Variants in MTG2 observed in about 807,000 individuals in gnomAD.
MTG2 encodes the protein mitochondrial ribosome-associated GTPase 2.
Under a neutral mutation model 28.6 loss-of-function variants are expected in MTG2, and 23 were observed. That is an observed-to-expected ratio of 0.80 (90% CI 0.58 to 1.14). The LOEUF is 1.14. Ranked by LOEUF, MTG2 falls within the 50% of genes most tolerant of loss-of-function variation. The pLI is 0.00. For synonymous variants in MTG2, 260 were observed against 251.8 expected (o/e 1.03, Z -0.31); for missense variants, 539 against 552.0 (o/e 0.98, Z 0.24).
At chr20:62,183,829 A>C (rs1302247272) in intron 1 of MTG2, among the ~76,000 whole-genome samples, 2 of 152,250 alleles carry the variant, frequency 1.3e-5, no homozygotes, top group African/African-American at 4.8e-5. Context: ...CTGTTTTAGC[A>C]GAGAGAACGT....
chr20:62,186,380 T>C (rs960701193), intron 1 of MTG2, among the ~76,000 whole-genome samples: 17 of 152,236 alleles, frequency 1.1e-4, no homozygotes, highest in African/African-American at 4.1e-4. Flanking sequence ...AGGTACTTTT[T>C]GTATTTGGCA....
intron 1 of MTG2, among the ~76,000 whole-genome samples, chr20:62,184,622 G>A (rs1266483795): frequency 6.6e-6 from 1 of 152,116 alleles, no homozygotes; most frequent in Non-Finnish European, 1.5e-5. Context: ...GGAGGTCCAT[G>A]TCCCGGCCTC....
Position 62,193,604 on chromosome 20 carries a change from C to G in MTG2, c.184C>G (p.Leu62Val). The G allele has an allele frequency of 6.2e-7, 1 of 1,612,376 alleles. No homozygotes were observed. Reference protein sequence around the residue: ...AKHQELPGKKLLSEKKLKRYF... With the variant: ...AKHQELPGKKVLSEKKLKRYF... ...GCATCAGGAACTCCCGGGGAAGAAG[C>G]TGCTCTCTGAGAAAAAGCTGGTGAG... is the stretch of plus-strand genomic sequence containing the variant. Residue 62 changes from leucine to valine, a missense_variant, in exon 2 of 7, where the codon CTG becomes GTG. Physicochemically the swap from Leu to Val is conservative, Grantham distance 32. Transcript: ENST00000370823.
intron 3 of MTG2, among the ~76,000 whole-genome samples, chr20:62,196,539 GCACA>G (rs1001662768): frequency 6.6e-6 from 1 of 150,672 alleles, no homozygotes; most frequent in Non-Finnish European, 1.5e-5. Context: ...AGATGTGGTG[GCACA>G]CACTGATAGT....
chr20:62,189,143 CA>C (rs559176986), intron 1 of MTG2, among the ~76,000 whole-genome samples: 2 of 151,440 alleles, frequency 1.3e-5, no homozygotes, highest in East Asian at 1.9e-4. Context: ...CCTGTCTCTG[CA>C]AAAAAAATTT....
intron 5 of MTG2, 105 bp downstream of exon 5, chr20:62,198,957 C>A: frequency 6.4e-7 from 1 of 1,551,096 alleles, no homozygotes; most frequent in Non-Finnish European, 8.8e-7. Flanking sequence ...AGCTTTGCGA[C>A]TCACCTTTTT....
At chr20:62,186,016 T>C (rs138234831) in intron 1 of MTG2, among the ~76,000 whole-genome samples, 14 of 152,326 alleles carry the variant, frequency 9.2e-5, no homozygotes, top group Admixed American at 8.5e-4. Context: ...TCTCTGCGGT[T>C]GATCTGCAGG....
Position 62,201,236 on chromosome 20 carries a change from GA to G in MTG2, c.*161del. 1 of 904,286 alleles carries G rather than the reference GA, an allele frequency of 1.1e-6. No individual in the cohort carries two copies. The highest frequency in any genetic ancestry group is 1.6e-6 in the Non-Finnish European group (1 of 617,330). The allele number at this position is 904,286 out of a possible 1,614,324, so 56.0% of individuals were successfully genotyped here. A position where few individuals can be genotyped will look rare whatever the true frequency, so the allele number is the denominator to read the frequency against. Reference sequence around the variant, plus strand: ...CTGGCCTGAGATGCCCTCATGTTGGGAAGCATTCCGTGCCCCCTACCCCGCC... The same window carrying G: ...CTGGCCTGAGATGCCCTCATGTTGGGAGCATTCCGTGCCCCCTACCCCGCC... On this transcript the variant is annotated 3_prime_UTR_variant, in exon 7 of 7. Transcript: ENST00000370823.
intron 1 of MTG2, among the ~76,000 whole-genome samples, chr20:62,185,952 G>C (rs114170629): frequency 0.012 from 1,769 of 152,268 alleles, 39 homozygotes; most frequent in African/African-American, 0.041. Flanking sequence ...GCAAAAAGGA[G>C]GAAGCAAATT....
chr20:62,201,540 G>A lies in MTG2; in HGVS notation c.*463G>A, dbSNP rs2058171666. 1 of 156,252 alleles carries A rather than the reference G, an allele frequency of 6.4e-6. No individual in the cohort carries two copies. Among genetic ancestry groups the A allele is most frequent in the African/African-American group, 2.4e-5 (1 of 41,498 alleles). The allele number at this position is 156,252 out of a possible 1,614,324, so 9.7% of individuals were successfully genotyped here. On this transcript the variant is annotated 3_prime_UTR_variant, in exon 7 of 7. Coordinates refer to ENST00000370823, the MANE Select transcript of MTG2 (RefSeq NM_015666.4). ...GAGAGAGACCTCTGGATCCACACTGGGGCTGCGTCTGGCCCGTTGTCCAGC... is the reference window on the plus strand; with the variant it reads ...GAGAGAGACCTCTGGATCCACACTGAGGCTGCGTCTGGCCCGTTGTCCAGC...
chr20:62,193,640 T>G lies in MTG2; in HGVS notation c.204+16T>G, dbSNP rs1006867068. On this transcript the variant is annotated intron_variant, in intron 2 of 6. Coordinates refer to ENST00000370823, the MANE Select transcript of MTG2 (RefSeq NM_015666.4). ...GAAAAAGCTGGTGAGACTCCTGGAG[T>G]TAGAGCAGCTTGCCTGTCTCCTCCT... 6.3e-7 allele frequency: 1 copy of G among 1,592,706 alleles called. No individual in the cohort carries two copies. Among genetic ancestry groups the G allele is most frequent in the Non-Finnish European group, 8.6e-7 (1 of 1,169,330 alleles).
chr20:62,198,082 C>T, intron 4 of MTG2, 115 bp downstream of exon 4: 1 of 785,902 alleles, frequency 1.3e-6, no homozygotes, highest in Non-Finnish European at 2.1e-6. Context: ...AGCTAGGAAA[C>T]AGCACAATGG....
chr20:62,198,428 G>T (rs924378469), intron 4 of MTG2, among the ~76,000 whole-genome samples: 1 of 152,250 alleles, frequency 6.6e-6, no homozygotes, highest in Admixed American at 6.5e-5. Context: ...TCAGAAGGGT[G>T]TGTACGCAGC....
intron 3 of MTG2, among the ~76,000 whole-genome samples, chr20:62,196,151 G>T (rs998165340): frequency 7.2e-6 from 1 of 139,116 alleles, no homozygotes. Context: ...TGTCTTTTTT[G>T]TTTGTTTGTT....
intron 1 of MTG2, among the ~76,000 whole-genome samples, chr20:62,188,246 T>C (rs962636468): frequency 6.6e-6 from 1 of 152,178 alleles, no homozygotes; most frequent in East Asian, 1.9e-4. Flanking sequence ...AAGAAGCTTG[T>C]TTGATTTGCA....
intron 1 of MTG2, among the ~76,000 whole-genome samples, chr20:62,192,299 G>A (rs1237166006): frequency 6.6e-6 from 1 of 152,218 alleles, no homozygotes; most frequent in Non-Finnish European, 1.5e-5. Context: ...GAAGGCACTT[G>A]GTTTGCATTG....
At chr20:62,198,336 A>AC in intron 4 of MTG2, 1 of 539,574 alleles carries the variant, frequency 1.9e-6, no homozygotes, top group East Asian at 3.2e-5. Flanking sequence ...AGCTGAATTC[A>AC]CTCGTCTCTT....
Position 62,201,239 on chromosome 20 carries a change from G to A in MTG2, c.*162G>A. The A allele has an allele frequency of 1.2e-6, 1 of 868,780 alleles. No individual in the cohort carries two copies. The highest frequency in any genetic ancestry group is 1.7e-6 in the Non-Finnish European group (1 of 585,024). 53.8% of individuals were successfully genotyped at this position (868,780 alleles called of 1,614,324 possible). A position where few individuals can be genotyped will look rare whatever the true frequency, so the allele number is the denominator to read the frequency against. Reference sequence around the variant, plus strand: ...GCCTGAGATGCCCTCATGTTGGGAAGCATTCCGTGCCCCCTACCCCGCCTG... The same window carrying A: ...GCCTGAGATGCCCTCATGTTGGGAAACATTCCGTGCCCCCTACCCCGCCTG... On this transcript the variant is annotated 3_prime_UTR_variant, in exon 7 of 7. Transcript: ENST00000370823.
At chr20:62,190,667 G>T (rs1018470482) in intron 1 of MTG2, among the ~76,000 whole-genome samples, 8 of 152,202 alleles carry the variant, frequency 5.3e-5, no homozygotes, top group African/African-American at 1.9e-4. Context: ...TCCTGGCCTA[G>T]ATCCTGGACC....
Sources: allele counts gnomAD v4.1 joint callset (sites outside exome capture counted in the v4.1 genomes callset), GRCh38; gene constraint gnomAD v4.1.1; transcripts MANE v1.5; gene names NCBI Gene and HGNC (gene_info 2026-07-23, HGNC 2026-07-21).